CEP128: variants seen among roughly 807,000 people sequenced by gnomAD.
CEP128 encodes centrosomal protein 128, also known as centrosomal protein 128kDa.
A neutral mutation model predicts 156.7 loss-of-function variants in CEP128; 132 were observed. That is an observed-to-expected ratio of 0.84 (90% CI 0.73 to 0.97). The LOEUF (loss-of-function observed/expected upper bound fraction) is 0.97. Ranked by LOEUF, CEP128 falls within the 50% of genes least tolerant of loss-of-function variation. CEP128 has a pLI of 0.00. For synonymous variants in CEP128, 469 were observed against 448.9 expected (o/e 1.04, Z -0.57); for missense variants, 1,252 against 1,281.9 (o/e 0.98, Z 0.36).
Position 80,758,554 on chromosome 14 carries a change from G to A in CEP128, c.2554-1603C>T, listed in dbSNP as rs112156169. Among the ~76,000 whole-genome samples the A allele has an allele frequency of 2.8e-3, 426 of 151,010 alleles. 1 individual carries two copies. Among genetic ancestry groups the A allele is most frequent in the African/African-American group, 9.8e-3 (402 of 41,098 alleles). On this transcript the variant is annotated intron_variant, in intron 17 of 24. Coordinates refer to ENST00000555265, the MANE Select transcript of CEP128 (RefSeq NM_152446.5). Reference sequence around the variant, plus strand: ...AAAAAAAAAAAACCATTTAACGAACGGTGTCAGCACAGTGTCTGGGACAGA... The same window carrying A: ...AAAAAAAAAAAACCATTTAACGAACAGTGTCAGCACAGTGTCTGGGACAGA...
chr14:80,543,593 T>C (rs1566769394), intron 21 of CEP128, among the ~76,000 whole-genome samples: 1 of 152,132 alleles, frequency 6.6e-6, no homozygotes, highest in Non-Finnish European at 1.5e-5. Context: ...GAAAAATGGA[T>C]CATGAAAACC....
chr14:80,485,202 C>T (rs527293816), intron 14 of CEP128, among the ~76,000 whole-genome samples: 4 of 152,230 alleles, frequency 2.6e-5, no homozygotes, highest in African/African-American at 9.6e-5. Context: ...CATACATACA[C>T]ACAAGATCCT....
At chr14:80,594,069 C>T (rs983965557) in intron 19 of CEP128, among the ~76,000 whole-genome samples, 1 of 152,192 alleles carries the variant, frequency 6.6e-6, no homozygotes, top group Admixed American at 6.5e-5. Context: ...TGACTTCAAA[C>T]TATACTACAA....
chr14:80,557,985 C>T lies in CEP128; in HGVS notation c.2880+1294G>A, dbSNP rs146406523. 8.7e-4 allele frequency among the ~76,000 whole-genome samples: 133 copies of T among 152,062 alleles called. 1 individual carries two copies. Among genetic ancestry groups the T allele is most frequent in the Admixed American group, 6.9e-3 (105 of 15,268 alleles). On this transcript the variant is annotated intron_variant, in intron 21 of 24. Transcript: ENST00000555265. Reference sequence around the variant, plus strand: ...TATATCACTTTTTCATATATTAGCACGGCAATATTTACTTTTTTGAAAACC... The same window carrying T: ...TATATCACTTTTTCATATATTAGCATGGCAATATTTACTTTTTTGAAAACC...
chr14:80,563,189 C>T (rs1248693747), intron 20 of CEP128, among the ~76,000 whole-genome samples: 2 of 152,044 alleles, frequency 1.3e-5, no homozygotes, highest in Admixed American at 6.5e-5. Flanking sequence ...CCCTTCCAAA[C>T]CACCAATCCC....
At chr14:80,951,295 G>A (rs1485532917) in intron 2 of CEP128, among the ~76,000 whole-genome samples, 1 of 152,052 alleles carries the variant, frequency 6.6e-6, no homozygotes, top group African/African-American at 2.4e-5. Context: ...CTGTATTATG[G>A]GATTTATAAC....
At chr14:80,596,133 C>T (rs951576818) in intron 19 of CEP128, among the ~76,000 whole-genome samples, 1 of 148,444 alleles carries the variant, frequency 6.7e-6, no homozygotes, top group Non-Finnish European at 1.5e-5. Context: ...AATCCTAACA[C>T]ATCAGTAATT....
chr14:80,683,797 A>T (rs1896417555), intron 19 of CEP128, among the ~76,000 whole-genome samples: 1 of 152,150 alleles, frequency 6.6e-6, no homozygotes, highest in Admixed American at 6.6e-5. Flanking sequence ...AAAAATAGAA[A>T]TCAATACAAA....
chr14:80,495,561 G>A (rs369152937), downstream of CEP128, among the ~76,000 whole-genome samples: 22 of 151,938 alleles, frequency 1.4e-4, no homozygotes, highest in South Asian at 4.6e-3. Context: ...TACTTCATAA[G>A]ATTCCTCTCC....
intron 14 of CEP128, among the ~76,000 whole-genome samples, chr14:80,482,950 G>A (rs948319439): frequency 7.2e-5 from 11 of 152,176 alleles, no homozygotes; most frequent in African/African-American, 2.7e-4. Flanking sequence ...AGGATCACTG[G>A]TGGGATGAAT....
At chr14:80,682,350 G>C (rs895455303) in intron 19 of CEP128, among the ~76,000 whole-genome samples, 4 of 152,140 alleles carry the variant, frequency 2.6e-5, no homozygotes, top group African/African-American at 9.7e-5. Context: ...AAAATTCACA[G>C]CTTGAAAATT....
At chr14:80,902,783 C>A (rs1444247237) in intron 6 of CEP128, among the ~76,000 whole-genome samples, 1 of 152,088 alleles carries the variant, frequency 6.6e-6, no homozygotes, top group Non-Finnish European at 1.5e-5. Context: ...AGATCAATCA[C>A]ACAAAGATTA....
chr14:80,577,244 C>T (rs1200665770), intron 20 of CEP128, among the ~76,000 whole-genome samples: 3 of 152,084 alleles, frequency 2.0e-5, no homozygotes, highest in South Asian at 2.1e-4. Flanking sequence ...AATTCACATT[C>T]GCTATATGAC....
chr14:80,941,872 G>A (rs1886180336), upstream of CEP128: 1 of 152,542 alleles, frequency 6.6e-6, no homozygotes, highest in South Asian at 2.1e-4. Context: ...CAAATCCCAG[G>A]ATGCCATATA....
In CEP128 at chr14:80,497,232, T is replaced by G. The variant is rs1887529163; in HGVS notation, c.*247A>C. On this transcript the variant is annotated 3_prime_UTR_variant, in exon 25 of 25. Coordinates refer to ENST00000555265, the MANE Select transcript of CEP128 (RefSeq NM_152446.5). ...AAGGAAAATACAAAGTGAAAAAATA[T>G]CATTCTTTCTGTGCTAGTATAAGTT... 2 of 296,502 alleles carry G rather than the reference T, an allele frequency of 6.7e-6. No homozygotes were observed. Among genetic ancestry groups the G allele is most frequent in the East Asian group, 1.2e-4 (2 of 17,390 alleles). 18.4% of individuals were successfully genotyped at this position (296,502 alleles called of 1,614,324 possible).
intron 19 of CEP128, among the ~76,000 whole-genome samples, chr14:80,662,501 T>A (rs988209092): frequency 2.0e-5 from 3 of 152,292 alleles, no homozygotes; most frequent in South Asian, 4.1e-4. Context: ...AAAGCCAATC[T>A]CTACCTTGTT....
intron 7 of CEP128, among the ~76,000 whole-genome samples, chr14:80,896,662 C>T (rs1889363587): frequency 6.6e-6 from 1 of 152,122 alleles, no homozygotes; most frequent in Non-Finnish European, 1.5e-5. Context: ...ACATTTTAGC[C>T]AGCTTCACAC....
chr14:80,890,781 C>G (rs1213372515), intron 8 of CEP128, among the ~76,000 whole-genome samples: 1 of 151,930 alleles, frequency 6.6e-6, no homozygotes, highest in South Asian at 2.1e-4. Flanking sequence ...TATCACAGAT[C>G]TTAAAGTTTA....
intron 23 of CEP128, among the ~76,000 whole-genome samples, chr14:80,506,336 T>TC (rs11417549): frequency 1.2e-4 from 1 of 8,394 alleles, no homozygotes; most frequent in South Asian, 4.0e-3. Context: ...TTTGAAACTC[T>TC]TTTTTTTTTT....
Sources: allele counts gnomAD v4.1 joint callset (sites outside exome capture counted in the v4.1 genomes callset), GRCh38; gene constraint gnomAD v4.1.1; transcripts MANE v1.5; gene names NCBI Gene and HGNC (gene_info 2026-07-23, HGNC 2026-07-21).